TCF7L1: variants seen among roughly 807,000 people sequenced by gnomAD.
TCF7L1 encodes the protein transcription factor 7-like 1.
TCF7L1 carries 18 observed loss-of-function variants against 63.7 expected under a neutral mutation model. The ratio of observed to expected loss-of-function variants is 0.28; its 90% CI spans 0.20 to 0.42. The LOEUF (loss-of-function observed/expected upper bound fraction) is 0.42, where lower values mean the gene tolerates loss of function less well. Among genes scored for constraint, TCF7L1 ranks in the 10% least tolerant of loss-of-function variants. TCF7L1 has a pLI of 1.00. For synonymous variants in TCF7L1, 355 were observed against 340.9 expected, an observed-to-expected ratio of 1.04 and a Z score of -0.46; for missense variants, 654 against 779.3, an observed-to-expected ratio of 0.84 and a Z score of 1.91.
At chr2:85,161,499 C>G (rs1405664441) in intron 3 of TCF7L1, among the ~76,000 whole-genome samples, 2 of 152,006 alleles carry the variant, frequency 1.3e-5, no homozygotes, top group Admixed American at 6.6e-5. Context: ...CTGCCCTCCC[C>G]GGGCTTGCTT....
At chr2:85,289,858 G>C (rs1339914214) in intron 4 of TCF7L1, among the ~76,000 whole-genome samples, 4 of 152,060 alleles carry the variant, frequency 2.6e-5, no homozygotes, top group Admixed American at 6.6e-5. Flanking sequence ...ATTTTTAGTA[G>C]AGACGGGGTT....
intron 4 of TCF7L1, among the ~76,000 whole-genome samples, chr2:85,295,267 T>A (rs1558659319): frequency 1.3e-5 from 2 of 152,268 alleles, no homozygotes; most frequent in East Asian, 3.9e-4. Flanking sequence ...AATGACGCGA[T>A]CTTGGCTCAC....
intron 3 of TCF7L1, among the ~76,000 whole-genome samples, chr2:85,252,315 G>A (rs1680609848): frequency 6.6e-6 from 1 of 152,214 alleles, no homozygotes; most frequent in Non-Finnish European, 1.5e-5. Flanking sequence ...CATATTCATG[G>A]CAGCTGTAGT....
At chr2:85,266,044 C>G (rs951258139) in intron 3 of TCF7L1, among the ~76,000 whole-genome samples, 3 of 152,086 alleles carry the variant, frequency 2.0e-5, no homozygotes, top group African/African-American at 4.8e-5. Context: ...TAAGCACTCC[C>G]CATTACACAG....
intron 3 of TCF7L1, among the ~76,000 whole-genome samples, chr2:85,276,545 G>A (rs182909636): frequency 5.9e-4 from 90 of 152,188 alleles, no homozygotes; most frequent in African/African-American, 2.0e-3. Context: ...GTGTCTCCCC[G>A]TCTCCATTCT....
Position 85,133,817 on chromosome 2 carries a change from G to A in TCF7L1, c.133G>A (p.Gly45Arg). The A allele has an allele frequency of 1.4e-6, 2 of 1,473,394 alleles. No homozygotes were observed. The highest frequency in any genetic ancestry group is 1.8e-6 in the Non-Finnish European group (2 of 1,109,772). The allele number at this position is 1,473,394 out of a possible 1,614,324, so 91.3% of individuals were successfully genotyped here. Residue 45 changes from glycine (G) to arginine (R), a missense_variant, in exon 1 of 12, where the codon GGG (glycine) becomes AGG (arginine). By Grantham distance (125) the Gly-to-Arg change is moderately radical (BLOSUM62 -2). This residue lies in a region of TCF7L1 where 404 missense variants were observed against 454.8 expected (regional missense o/e 0.89). Coordinates refer to ENST00000282111, the MANE Select transcript of TCF7L1 (RefSeq NM_031283.3). This position sits in a 1 kb window ranked among gnomAD's most constrained non-coding sequence, Gnocchi z 4.4. ...CGAGCTGATCCCCTTCCAGGACGAG[G>A]GGGGCGAGGAGCAGGAGCCGAGCAG... Reference protein sequence around the residue: ...NDELIPFQDEGGEEQEPSSDS... With the variant: ...NDELIPFQDERGEEQEPSSDS...
intron 3 of TCF7L1, among the ~76,000 whole-genome samples, chr2:85,192,137 C>G (rs1450009905): frequency 6.6e-6 from 1 of 152,224 alleles, no homozygotes; most frequent in Non-Finnish European, 1.5e-5. Context: ...GGGCAGTGGT[C>G]TCCATTCAGA....
At chr2:85,283,790 A>T (rs1048544275) in intron 4 of TCF7L1, among the ~76,000 whole-genome samples, 5 of 152,152 alleles carry the variant, frequency 3.3e-5, no homozygotes, top group Admixed American at 2.6e-4. Flanking sequence ...TTGTAATTGG[A>T]ATAGCCGTCC....
chr2:85,189,097 T>C (rs566080093), intron 3 of TCF7L1, among the ~76,000 whole-genome samples: 1 of 152,310 alleles, frequency 6.6e-6, no homozygotes, highest in South Asian at 2.1e-4. Context: ...TAGACTTCTC[T>C]GCTCCTCCAA....
intron 3 of TCF7L1, among the ~76,000 whole-genome samples, chr2:85,182,975 A>G (rs903141468): frequency 1.3e-5 from 2 of 152,158 alleles, no homozygotes; most frequent in African/African-American, 4.8e-5. Flanking sequence ...CGCACTGAGA[A>G]TCCCCGCTCT....
chr2:85,193,671 G>A (rs1295718692), intron 3 of TCF7L1, among the ~76,000 whole-genome samples: 4 of 152,130 alleles, frequency 2.6e-5, no homozygotes, highest in African/African-American at 9.7e-5. Flanking sequence ...CACTTGACTA[G>A]CCTTAAAAAA....
At chr2:85,144,747 G>GTGTT (rs1553393496) in intron 3 of TCF7L1, among the ~76,000 whole-genome samples, 2 of 147,760 alleles carry the variant, frequency 1.4e-5, no homozygotes, top group African/African-American at 2.6e-5. Context: ...GTGTGTGTGT[G>GTGTT]TGTATGTGTG....
chr2:85,241,446 T>G (rs1041446789), intron 3 of TCF7L1, among the ~76,000 whole-genome samples: 18 of 140,204 alleles, frequency 1.3e-4, no homozygotes, highest in East Asian at 4.0e-4. Context: ...TGTTTTTTTT[T>G]TTTTTTTTTT....
chr2:85,145,098 T>C (rs1677850282), intron 3 of TCF7L1, among the ~76,000 whole-genome samples: 1 of 151,324 alleles, frequency 6.6e-6, no homozygotes, highest in Admixed American at 6.6e-5. Flanking sequence ...TGACATTCCA[T>C]ACTTTTTCCT....
intron 11 of TCF7L1, among the ~76,000 whole-genome samples, chr2:85,308,817 G>A (rs1682205995): frequency 6.6e-6 from 1 of 152,122 alleles, no homozygotes; most frequent in African/African-American, 2.4e-5. Context: ...CTGATGCTGG[G>A]TGGATCTTCA....
At chr2:85,218,647 G>C (rs1309275318) in intron 3 of TCF7L1, among the ~76,000 whole-genome samples, 1 of 149,916 alleles carries the variant, frequency 6.7e-6, no homozygotes, top group Non-Finnish European at 1.5e-5. Flanking sequence ...AATGGGGGGG[G>C]GAAAACTGGT....
chr2:85,174,393 C>T (rs1447291793), intron 3 of TCF7L1, among the ~76,000 whole-genome samples: 1 of 152,098 alleles, frequency 6.6e-6, no homozygotes, highest in African/African-American at 2.4e-5. Flanking sequence ...CATTTGGGTT[C>T]GTTCTACTTC....
chr2:85,303,816 A>G, intron 5 of TCF7L1, 79 bp from the exon 6 acceptor site: 1 of 1,097,572 alleles, frequency 9.1e-7, no homozygotes, highest in Non-Finnish European at 1.4e-6. Flanking sequence ...GACATAGGGC[A>G]GGATGCTCCC....
intron 3 of TCF7L1, among the ~76,000 whole-genome samples, chr2:85,253,356 T>C (rs1274205270): frequency 7.6e-6 from 1 of 131,572 alleles, no homozygotes; most frequent in Non-Finnish European, 1.6e-5. Context: ...AGAAACCTGC[T>C]CACAGGGGCG....
Sources: allele counts gnomAD v4.1 joint callset (sites outside exome capture counted in the v4.1 genomes callset), GRCh38; gene constraint gnomAD v4.1.1; regional missense constraint gnomAD v4.1.1; non-coding constraint Gnocchi (gnomAD v3.1); transcripts MANE v1.5; gene names NCBI Gene and HGNC (gene_info 2026-07-23, HGNC 2026-07-21).